Variants in C2orf76 observed in about 807,000 individuals in gnomAD.
The protein encoded by C2orf76 is chromosome 2 open reading frame 76.
In C2orf76, 23 loss-of-function variants were observed where a neutral mutation model predicts 16.9. That is an observed-to-expected ratio of 1.36 (90% CI 0.98 to 1.93). The LOEUF is 1.93. Ranked by LOEUF, C2orf76 falls within the 30% of genes most tolerant of loss-of-function variation. C2orf76 has a pLI of 0.00. For synonymous variants in C2orf76, 48 were observed against 52.3 expected, an observed-to-expected ratio of 0.92 and a Z score of 0.35; for missense variants, 152 against 152.6, an observed-to-expected ratio of 1.00 and a Z score of 0.02.
Position 119,302,379 on chromosome 2 carries a change from A to C in C2orf76, c.*93T>G. 1 of 575,500 alleles carries C rather than the reference A, an allele frequency of 1.7e-6. No individual in the cohort carries two copies. The highest frequency in any genetic ancestry group is 2.0e-5 in the African/African-American group (1 of 51,214). The allele number at this position is 575,500 out of a possible 1,614,324, so 35.6% of individuals were successfully genotyped here. On this transcript the variant is annotated 3_prime_UTR_variant, in exon 6 of 6. Coordinates refer to ENST00000334816, the MANE Select transcript of C2orf76 (RefSeq NM_001322331.2). ...AGCTCAAAGAGTATAGCCTGGGATT[A>C]ATTTTTTAAGATTTGTTTGTCAATT...
intron 1 of C2orf76, among the ~76,000 whole-genome samples, chr2:119,355,002 T>C (rs1680524643): frequency 6.6e-6 from 1 of 152,164 alleles, no homozygotes; most frequent in African/African-American, 2.4e-5. Context: ...CAAATCAACA[T>C]CTACAATTCC....
intron 2 of C2orf76, among the ~76,000 whole-genome samples, chr2:119,321,460 G>T (rs751221944): frequency 6.6e-6 from 1 of 152,122 alleles, no homozygotes; most frequent in Non-Finnish European, 1.5e-5. Context: ...TCACAATCAT[G>T]GCAGGTGAAA....
chr2:119,317,443 G>C, intron 4 of C2orf76, 23 bp downstream of exon 4: 1 of 1,563,676 alleles, frequency 6.4e-7, no homozygotes, highest in Non-Finnish European at 8.7e-7. Context: ...CTATGTGCCA[G>C]ATACTGTACC....
intron 1 of C2orf76, among the ~76,000 whole-genome samples, chr2:119,359,856 A>T (rs1363170020): frequency 1.3e-5 from 2 of 152,252 alleles, no homozygotes; most frequent in Non-Finnish European, 2.9e-5. Context: ...AAAAGCGTTT[A>T]GAATATTGCA....
At chr2:119,295,973 C>G in the C2orf76 span, among the ~76,000 whole-genome samples, 6 of 152,180 alleles carry the variant, frequency 3.9e-5, no homozygotes, top group Admixed American at 3.9e-4. Flanking sequence ...AACAAATGAG[C>G]CTCCAAAGGC....
intron 1 of C2orf76, among the ~76,000 whole-genome samples, chr2:119,349,645 C>T (rs1395534504): frequency 2.6e-5 from 4 of 152,156 alleles, no homozygotes; most frequent in African/African-American, 9.7e-5. Context: ...CTCCAAAATC[C>T]CTCCGCCCCT....
At chr2:119,304,700 C>T (rs974858238) in intron 5 of C2orf76, among the ~76,000 whole-genome samples, 9 of 152,176 alleles carry the variant, frequency 5.9e-5, no homozygotes, top group African/African-American at 2.2e-4. Flanking sequence ...TTACTCCAAA[C>T]ATTCAAAAGT....
intron 2 of C2orf76, among the ~76,000 whole-genome samples, chr2:119,328,935 T>C (rs1232763643): frequency 6.6e-6 from 1 of 152,226 alleles, no homozygotes; most frequent in Non-Finnish European, 1.5e-5. Flanking sequence ...AATTCCATTA[T>C]GGCCAGAAAA....
Position 119,334,106 on chromosome 2 carries a change from T to A in C2orf76, c.133+5721A>T, listed in dbSNP as rs1165552770. Among the ~76,000 whole-genome samples, 3 of 152,134 alleles carry A rather than the reference T, an allele frequency of 2.0e-5. No homozygotes were observed. In the East Asian group the frequency reaches 5.8e-4, roughly 29 times the overall value. The stretch of plus-strand genomic sequence containing the variant: ...CTGTGCCTGACCCCTTCAATGTATA[T>A]TTCTAAGTAAAAGAAGCCATTCTGA... On this transcript the variant is annotated intron_variant, in intron 2 of 5. Coordinates refer to ENST00000334816, the MANE Select transcript of C2orf76 (RefSeq NM_001322331.2).
intron 2 of C2orf76, among the ~76,000 whole-genome samples, chr2:119,328,151 G>A (rs1167116301): frequency 1.3e-5 from 2 of 151,980 alleles, no homozygotes; most frequent in African/African-American, 2.4e-5. Flanking sequence ...AAGAACTATC[G>A]TGCCTGGCTC....
At chr2:119,342,801 G>A (rs1029517161) in intron 1 of C2orf76, among the ~76,000 whole-genome samples, 7 of 151,970 alleles carry the variant, frequency 4.6e-5, no homozygotes, top group Admixed American at 2.0e-4. Context: ...TCACTCTGTC[G>A]CCAGGCTGGA....
intron 1 of C2orf76, among the ~76,000 whole-genome samples, chr2:119,352,664 C>T (rs534877333): frequency 1.3e-5 from 2 of 152,322 alleles, no homozygotes; most frequent in African/African-American, 4.8e-5. Flanking sequence ...CTGGTTAGAG[C>T]TCTCTGAACC....
At chr2:119,364,886 A>T (rs567366043) in intron 1 of C2orf76, among the ~76,000 whole-genome samples, 1 of 152,098 alleles carries the variant, frequency 6.6e-6, no homozygotes, top group East Asian at 1.9e-4. Context: ...CAAGACCAAC[A>T]ACATAGCAAG....
chr2:119,289,941 G>C, the C2orf76 span, among the ~76,000 whole-genome samples: 1 of 151,988 alleles, frequency 6.6e-6, no homozygotes, highest in Non-Finnish European at 1.5e-5. Flanking sequence ...CTGCCTTAAA[G>C]TGAGATTTCT....
At chr2:119,348,390 T>TA (rs1573675725) in intron 1 of C2orf76, among the ~76,000 whole-genome samples, 3 of 151,800 alleles carry the variant, frequency 2.0e-5, no homozygotes, top group East Asian at 3.9e-4. Context: ...TACCAGTGAG[T>TA]AAAAAAACAA....
chr2:119,338,216 G>A (rs925603660), intron 2 of C2orf76, among the ~76,000 whole-genome samples: 1 of 152,206 alleles, frequency 6.6e-6, no homozygotes, highest in African/African-American at 2.4e-5. Context: ...AGCAGCAGCA[G>A]ATGGAGGAAA....
chr2:119,324,581 TG>T (rs1286612532), intron 2 of C2orf76, among the ~76,000 whole-genome samples: 1 of 152,190 alleles, frequency 6.6e-6, no homozygotes, highest in Non-Finnish European at 1.5e-5. Context: ...AAATAGTGCC[TG>T]GTACACAGCA....
intron 2 of C2orf76, among the ~76,000 whole-genome samples, chr2:119,335,666 G>T (rs1459928425): frequency 1.3e-5 from 2 of 152,098 alleles, no homozygotes; most frequent in African/African-American, 4.8e-5. Flanking sequence ...TTTGAAAAGG[G>T]AAGGAAAAAA....
the C2orf76 span, among the ~76,000 whole-genome samples, chr2:119,284,269 A>T: frequency 2.0e-5 from 3 of 152,196 alleles, no homozygotes; most frequent in African/African-American, 7.2e-5. Context: ...GCCATGCCGC[A>T]GACAGGCTCC....
Sources: gnomAD v4.1 joint callset for allele counts (sites outside exome capture counted in the v4.1 genomes callset) on GRCh38, gnomAD v4.1.1 for gene constraint, MANE v1.5 for transcripts, NCBI Gene and HGNC (gene_info 2026-07-23, HGNC 2026-07-21) for gene names.